SLC14A2: variants seen among roughly 807,000 people sequenced by gnomAD.
The protein encoded by SLC14A2 is urea transporter 2.
Under a neutral mutation model 104.6 loss-of-function variants are expected in SLC14A2, and 91 were observed. That is an observed-to-expected ratio of 0.87 (90% CI 0.73 to 1.04). The LOEUF (loss-of-function observed/expected upper bound fraction) is 1.04, where lower values mean the gene tolerates loss of function less well. Ranked by LOEUF, SLC14A2 falls within the 50% of genes least tolerant of loss-of-function variation. The pLI, the probability that SLC14A2 is intolerant of heterozygous loss-of-function variation, is 0.00. For synonymous variants in SLC14A2, 476 were observed against 466.4 expected (o/e 1.02, Z -0.27); for missense variants, 1,189 against 1,156.0 (o/e 1.03, Z -0.41).
intron 1 of SLC14A2, among the ~76,000 whole-genome samples, chr18:45,283,244 G>T (rs928509896): frequency 1.3e-5 from 2 of 148,984 alleles, no homozygotes; most frequent in Non-Finnish European, 1.5e-5. Context: ...TCTCCTAATT[G>T]ATAAAAGTGG....
At chr18:45,247,095 T>C (rs1476293499) in intron 1 of SLC14A2, among the ~76,000 whole-genome samples, 2 of 152,178 alleles carry the variant, frequency 1.3e-5, no homozygotes, top group Non-Finnish European at 2.9e-5. Flanking sequence ...GTTTAATGTG[T>C]AGGTTCTTCC....
At position 45,644,089 on chromosome 18, in the gene SLC14A2, T is replaced by C. The variant is rs1207289022; in HGVS notation, c.1280T>C (p.Val427Ala). Residue 427 changes from valine to alanine, a missense_variant, in exon 10 of 20, where the codon GTC becomes GCC. Val to Ala is a moderately conservative substitution (Grantham distance 64). Transcript: ENST00000255226. ...PAIFRLPLSK[V>A]TYPEANRIYY... ...ATCTTCAGACTCCCACTCAGCAAAG[T>C]CACCTACCCCGAGGCCAACCGCATC... is the stretch of plus-strand genomic sequence containing the variant. 3 of 1,614,022 alleles carry C rather than the reference T, an allele frequency of 1.9e-6. No individual in the cohort carries two copies. Among genetic ancestry groups the C allele is most frequent in the Non-Finnish European group, 2.5e-6 (3 of 1,180,028 alleles).
At chr18:45,449,458 C>T (rs150199089) in intron 1 of SLC14A2, among the ~76,000 whole-genome samples, 1 of 152,306 alleles carries the variant, frequency 6.6e-6, no homozygotes, top group African/African-American at 2.4e-5. Flanking sequence ...TACTCTGCCT[C>T]ATACACATAA....
chr18:45,623,601 C>T (rs570710772), intron 1 of SLC14A2, among the ~76,000 whole-genome samples: 11 of 152,234 alleles, frequency 7.2e-5, no homozygotes, highest in Non-Finnish European at 1.2e-4. Context: ...AATAGCCTAG[C>T]GAAATGGAAC....
chr18:45,643,206 T>C, intron 9 of SLC14A2, 25 bp downstream of exon 9: 1 of 1,604,524 alleles, frequency 6.2e-7, no homozygotes, highest in Non-Finnish European at 8.5e-7. Context: ...TCCTGAACAC[T>C]ACCCCAAAGT....
At chr18:45,286,910 A>G (rs1172525068) in intron 1 of SLC14A2, among the ~76,000 whole-genome samples, 1 of 152,212 alleles carries the variant, frequency 6.6e-6, no homozygotes, top group Non-Finnish European at 1.5e-5. Context: ...ATGTTCATAC[A>G]TTAAACAGGC....
At chr18:45,311,744 C>T (rs929956160) in intron 1 of SLC14A2, among the ~76,000 whole-genome samples, 1 of 152,152 alleles carries the variant, frequency 6.6e-6, no homozygotes, top group Non-Finnish European at 1.5e-5. Context: ...AGCCAACATC[C>T]TCAAAGTTGA....
At chr18:45,292,637 G>T (rs2084881037) in intron 1 of SLC14A2, among the ~76,000 whole-genome samples, 2 of 152,096 alleles carry the variant, frequency 1.3e-5, no homozygotes, top group Admixed American at 6.6e-5. Flanking sequence ...CTTAAATAGG[G>T]TCCCCCAAAT....
At chr18:45,410,447 G>T (rs555341556) in intron 1 of SLC14A2, among the ~76,000 whole-genome samples, 1 of 152,042 alleles carries the variant, frequency 6.6e-6, no homozygotes, top group African/African-American at 2.4e-5. Flanking sequence ...CTAAATATGC[G>T]TTACTGCCTA....
At chr18:45,407,381 C>T (rs1773683106) in intron 1 of SLC14A2, among the ~76,000 whole-genome samples, 1 of 152,208 alleles carries the variant, frequency 6.6e-6, no homozygotes, top group African/African-American at 2.4e-5. Context: ...GAGCTTTTCT[C>T]TGGATTAGGC....
chr18:45,404,028 A>G (rs535799616), intron 1 of SLC14A2, among the ~76,000 whole-genome samples: 1 of 152,262 alleles, frequency 6.6e-6, no homozygotes, highest in African/African-American at 2.4e-5. Context: ...CTTTTATCAC[A>G]CTGTTCCCAC....
chr18:45,190,524 G>T, the SLC14A2 span, among the ~76,000 whole-genome samples: 1 of 152,242 alleles, frequency 6.6e-6, no homozygotes, highest in Non-Finnish European at 1.5e-5. Flanking sequence ...TGAGCAGTTG[G>T]GTTTGAGGAT....
At chr18:45,601,239 C>G (rs2044787717) in intron 2 of SLC14A2, among the ~76,000 whole-genome samples, 1 of 152,254 alleles carries the variant, frequency 6.6e-6, no homozygotes, top group Non-Finnish European at 1.5e-5. Flanking sequence ...AGTCACTTTA[C>G]TTTTCTGAGC....
intron 2 of SLC14A2, among the ~76,000 whole-genome samples, chr18:45,578,601 C>G (rs964881734): frequency 6.6e-6 from 1 of 152,150 alleles, no homozygotes; most frequent in Non-Finnish European, 1.5e-5. Flanking sequence ...TTTTGACTGG[C>G]TTTCCATATT....
chr18:45,523,918 C>A (rs1434057634), intron 2 of SLC14A2, among the ~76,000 whole-genome samples: 1 of 152,212 alleles, frequency 6.6e-6, no homozygotes, highest in African/African-American at 2.4e-5. Flanking sequence ...ATTTTGTCAT[C>A]ATTTTCAGAT....
At chr18:45,668,501 T>G (rs2046071146) in intron 15 of SLC14A2, 24 bp downstream of exon 15, 1 of 1,613,900 alleles carries the variant, frequency 6.2e-7, no homozygotes, top group Non-Finnish European at 8.5e-7. Flanking sequence ...TGAAGGGTTG[T>G]GGGTTCATAT....
At chr18:45,226,257 G>A (rs1177535950) in intron 1 of SLC14A2, among the ~76,000 whole-genome samples, 1 of 152,184 alleles carries the variant, frequency 6.6e-6, no homozygotes. Flanking sequence ...GGAAGACAGT[G>A]TGGTGATTCC....
At chr18:45,296,063 G>A (rs2084915390) in intron 1 of SLC14A2, among the ~76,000 whole-genome samples, 1 of 152,148 alleles carries the variant, frequency 6.6e-6, no homozygotes, top group Non-Finnish European at 1.5e-5. Context: ...TCAGAGGCAG[G>A]TTTGGAAGTA....
intron 2 of SLC14A2, among the ~76,000 whole-genome samples, chr18:45,535,169 C>T (rs956953838): frequency 1.3e-5 from 2 of 152,216 alleles, no homozygotes; most frequent in African/African-American, 2.4e-5. Context: ...TCTAGTCAGT[C>T]GCGTCTGGTG....
Sources: gnomAD v4.1 joint callset for allele counts (sites outside exome capture counted in the v4.1 genomes callset) on GRCh38, gnomAD v4.1.1 for gene constraint, MANE v1.5 for transcripts, NCBI Gene and HGNC (gene_info 2026-07-23, HGNC 2026-07-21) for gene names.